Variants in TFAP2E observed in about 807,000 individuals in gnomAD.
TFAP2E encodes transcription factor AP-2-epsilon.
Under a neutral mutation model 37.9 loss-of-function variants are expected in TFAP2E, and 30 were observed. The observed-to-expected ratio is 0.79, with a 90% CI of 0.59 to 1.07. TFAP2E has a LOEUF of 1.07. Ranked by LOEUF, TFAP2E falls within the 50% of genes least tolerant of loss-of-function variation. TFAP2E has a pLI of 0.00. For synonymous variants in TFAP2E, 318 were observed against 295.8 expected, an observed-to-expected ratio of 1.08 and a Z score of -0.77; for missense variants, 567 against 637.9, an observed-to-expected ratio of 0.89 and a Z score of 1.20.
At position 35,590,892 on chromosome 1, in the gene TFAP2E, C is replaced by T. The variant is rs1649646763; in HGVS notation, c.1046+117C>T. 8.3e-7 allele frequency: 1 copy of T among 1,204,878 alleles called. No individual in the cohort carries two copies. Among genetic ancestry groups the T allele is most frequent in the Non-Finnish European group, 1.1e-6 (1 of 938,914 alleles). The allele number at this position is 1,204,878 out of a possible 1,614,324, so 74.6% of individuals were successfully genotyped here. ...CAGTGGGCACACATGCGTATTTGCG[C>T]ACCACTGTGTACACGAGCAGTGGGC... On this transcript the variant is annotated intron_variant, in intron 6 of 6. Transcript: ENST00000373235. This position sits in a 1 kb window ranked among gnomAD's most constrained non-coding sequence, Gnocchi z 6.2.
At chr1:35,579,662 T>A (rs1461685153) in intron 3 of TFAP2E, among the ~76,000 whole-genome samples, 1 of 152,038 alleles carries the variant, frequency 6.6e-6, no homozygotes, top group African/African-American at 2.4e-5. Context: ...CCCAAAGTGC[T>A]GGGATTACAG....
chr1:35,582,508 C>CTT lies in TFAP2E; in HGVS notation c.563-5809_563-5808dup, dbSNP rs749452012. 2.9e-3 allele frequency among the ~76,000 whole-genome samples: 372 copies of CTT among 129,764 alleles called. 1 individual carries two copies. Among genetic ancestry groups the CTT allele is most frequent in the African/African-American group, 9.8e-3 (347 of 35,468 alleles). 85.1% of individuals were successfully genotyped at this position (129,764 alleles called of 152,430 possible). ...TTTTTTTTGCATTTTTAAAAATTAT[C>CTT]TTTTTTTTTTTTTTCATAGAAACAG... On this transcript the variant is annotated intron_variant, in intron 3 of 6. Coordinates refer to ENST00000373235, the MANE Select transcript of TFAP2E (RefSeq NM_178548.4).
chr1:35,589,227 T>TGC (rs1553122083), intron 4 of TFAP2E, among the ~76,000 whole-genome samples: 2 of 147,402 alleles, frequency 1.4e-5, no homozygotes, highest in Non-Finnish European at 3.0e-5. Flanking sequence ...TGTGTGTGTG[T>TGC]GTGTGTGTGA....
In TFAP2E at chr1:35,574,162, C is replaced by A. The variant is rs768908023; in HGVS notation, c.263C>A (p.Ala88Glu). The A allele has an allele frequency of 3.9e-5, 55 of 1,423,568 alleles. No homozygotes were observed. The South Asian group carries it at 7.0e-4, about 18-fold the overall frequency. 88.2% of individuals were successfully genotyped at this position (1,423,568 alleles called of 1,614,324 possible). A position where few individuals can be genotyped will look rare whatever the true frequency, so the allele number is the denominator to read the frequency against. The change falls in exon 2 of 7, where the codon GCG (alanine) becomes GAG (glutamate). Residue 88 changes from alanine (A) to glutamate (E), a missense_variant. Physicochemically the swap from Ala to Glu is moderately radical, Grantham distance 107. Coordinates refer to ENST00000373235, the MANE Select transcript of TFAP2E (RefSeq NM_178548.4). ...GCAGGGGACCCATATGGCGGCCTGG[C>A]GCCCCTGGCGCAGCCGCAGCCTCCT... is the stretch of plus-strand genomic sequence containing the variant. ...HLAGDPYGGL[A>E]PLAQPQPPQA... is the part of the protein sequence containing the mutation.
intron 3 of TFAP2E, among the ~76,000 whole-genome samples, chr1:35,587,653 A>AAAAAAAAAAAAAG (rs796133136): frequency 2.0e-5 from 3 of 147,790 alleles, no homozygotes; most frequent in South Asian, 2.2e-4. Flanking sequence ...AAAAAAAAAA[A>AAAAAAAAAAAAAG]AAAGAAAGAA....
chr1:35,588,395 G>A lies in TFAP2E; in HGVS notation c.628G>A (p.Gly210Ser), dbSNP rs77440744. 1,551 of 1,613,388 alleles carry A rather than the reference G, an allele frequency of 9.6e-4. 1 individual carries two copies. The highest frequency in any genetic ancestry group is 1.2e-3 in the Non-Finnish European group (1,456 of 1,179,988). The change falls in exon 4 of 7, where the codon GGC (glycine) becomes AGC (serine). Residue 210 changes from glycine to serine, a missense_variant. Physicochemically the swap from Gly to Ser is moderately conservative, Grantham distance 56. Around this residue, in one of 3 missense-constraint regions of TFAP2E, gnomAD observed 3 missense variants for 17.9 expected, o/e 0.17. Transcript: ENST00000373235. The surrounding 1 kb of genome is among the most constrained non-coding windows in gnomAD (Gnocchi z 5.1). Reference protein sequence around the residue: ...LSLAKDSLVGGITNPGEVFCS... With the variant: ...LSLAKDSLVGSITNPGEVFCS... ...CTTGGCCAAAGACAGCCTGGTGGGC[G>A]GCATCACAAATCCTGGTGAGGTCTT...
Position 35,573,795 on chromosome 1 carries a change from C to T in TFAP2E, c.28-132C>T, listed in dbSNP as rs1275922251. ...GAGGCTCCTGCGCCCGCGGGTGGCT[C>T]GGAAATAAACCTCGGGCCCCAAGAA... is the stretch of plus-strand genomic sequence containing the variant. On this transcript the variant is annotated intron_variant, in intron 1 of 6. Transcript: ENST00000373235. This position sits in a 1 kb window ranked among gnomAD's most constrained non-coding sequence, Gnocchi z 5.9. 5 of 1,371,576 alleles carry T rather than the reference C, an allele frequency of 3.6e-6. No homozygotes were observed. The highest frequency in any genetic ancestry group is 3.1e-5 in the African/African-American group (2 of 65,216). 85.0% of individuals were successfully genotyped at this position (1,371,576 alleles called of 1,614,324 possible). A position where few individuals can be genotyped will look rare whatever the true frequency, so the allele number is the denominator to read the frequency against.
At chr1:35,586,822 T>C (rs1649493172) in intron 3 of TFAP2E, among the ~76,000 whole-genome samples, 1 of 152,192 alleles carries the variant, frequency 6.6e-6, no homozygotes, top group Admixed American at 6.5e-5. Flanking sequence ...CGGATCAGGC[T>C]AGCCTTTCCT....
Position 35,594,623 on chromosome 1 carries a change from A to G in TFAP2E, c.1276A>G (p.Ser426Gly), listed in dbSNP as rs1649778594. 5.6e-6 allele frequency: 9 copies of G among 1,614,238 alleles called. No homozygotes were observed. In the East Asian group the frequency reaches 1.8e-4, roughly 32 times the overall value. The change falls in exon 7 of 7, where the codon AGT becomes GGT. Residue 426 changes from serine to glycine, a missense_variant. Ser to Gly is a moderately conservative substitution (Grantham distance 56). Coordinates refer to ENST00000373235, the MANE Select transcript of TFAP2E (RefSeq NM_178548.4). The stretch of plus-strand genomic sequence containing the variant: ...CAAGATGTTTCTAAGCAGTGTGGGC[A>G]GTGGGCATGGTGAAACCAAGGCTTC... ...LDKMFLSSVG[S>G]GHGETKASEK...
intron 3 of TFAP2E, among the ~76,000 whole-genome samples, chr1:35,584,303 A>G (rs1270243323): frequency 2.0e-5 from 3 of 151,942 alleles, no homozygotes; most frequent in Admixed American, 6.6e-5. Flanking sequence ...AGGTCTCACT[A>G]TGTTGCCCAG....
At chr1:35,581,156 A>T (rs1037824121) in intron 3 of TFAP2E, among the ~76,000 whole-genome samples, 1 of 152,238 alleles carries the variant, frequency 6.6e-6, no homozygotes, top group African/African-American at 2.4e-5. Context: ...GCTTAGCATA[A>T]TATTTTTGAG....
At position 35,573,420 on chromosome 1, in the gene TFAP2E, A is replaced by C. The variant is rs919470363; in HGVS notation, c.-158A>C. On this transcript the variant is annotated 5_prime_UTR_variant, in exon 1 of 7. An upstream open reading frame in the 5' UTR loses its in-frame stop. Coordinates refer to ENST00000373235, the MANE Select transcript of TFAP2E (RefSeq NM_178548.4). The surrounding 1 kb of genome is among the most constrained non-coding windows in gnomAD (Gnocchi z 5.9). The stretch of plus-strand genomic sequence containing the variant: ...ACCCGCCCGGGAACGGCCACCGCTG[A>C]GGACCCCACGCCCACTAGGATCCCG... The C allele has an allele frequency of 1.0e-6, 1 of 966,178 alleles. No homozygotes were observed. Among genetic ancestry groups the C allele is most frequent in the African/African-American group, 1.7e-5 (1 of 57,406 alleles). 59.9% of individuals were successfully genotyped at this position (966,178 alleles called of 1,614,324 possible). A position where few individuals can be genotyped will look rare whatever the true frequency, so the allele number is the denominator to read the frequency against.
At chr1:35,594,259 A>T in intron 6 of TFAP2E, 135 bp from the exon 7 acceptor site, 1 of 1,105,600 alleles carries the variant, frequency 9.0e-7, no homozygotes. Flanking sequence ...AAAAAACAGT[A>T]TGGTCATCAT....
intron 3 of TFAP2E, among the ~76,000 whole-genome samples, chr1:35,580,595 C>G (rs538780344): frequency 6.6e-6 from 1 of 152,048 alleles, no homozygotes; most frequent in South Asian, 2.1e-4. Flanking sequence ...CCCATCTCTA[C>G]TAAAAAAACA....
intron 3 of TFAP2E, among the ~76,000 whole-genome samples, chr1:35,582,177 C>T (rs1417879751): frequency 6.6e-6 from 1 of 152,116 alleles, no homozygotes; most frequent in African/African-American, 2.4e-5. Context: ...CGTGCCTGGC[C>T]CCTGTCTTTT....
rs943195947 is a variant in TFAP2E at position 35,590,460 on chromosome 1, C to A, written c.905-174C>A. Among the ~76,000 whole-genome samples, 11 of 152,000 alleles carry A rather than the reference C, an allele frequency of 7.2e-5. No individual in the cohort carries two copies. The highest frequency in any genetic ancestry group is 2.0e-4 in the Admixed American group (3 of 15,264). On this transcript the variant is annotated intron_variant, in intron 5 of 6. Coordinates refer to ENST00000373235, the MANE Select transcript of TFAP2E (RefSeq NM_178548.4). This position sits in a 1 kb window ranked among gnomAD's most constrained non-coding sequence, Gnocchi z 6.2. ...GAGCTCAGAGCCCAACCCTAATGGC[C>A]CCAAGGTGGGGCAATGGAATGGGGG...
chr1:35,588,314 TC>T lies in TFAP2E; in HGVS notation c.563-13del. The stretch of plus-strand genomic sequence containing the variant: ...GTGCGGCAGCCACTGGCTCAGCGTT[TC>T]CCTCTTCTCCACAGTGCCCATCCCC... On this transcript the variant is annotated splice_polypyrimidine_tract_variant and intron_variant, in intron 3 of 6. Transcript: ENST00000373235. This position sits in a 1 kb window ranked among gnomAD's most constrained non-coding sequence, Gnocchi z 5.1. 2 of 1,595,990 alleles carry T rather than the reference TC, an allele frequency of 1.3e-6. No homozygotes were observed. Among genetic ancestry groups the T allele is most frequent in the Non-Finnish European group, 1.7e-6 (2 of 1,167,660 alleles).
At chr1:35,583,603 AGTGTGTGT>A (rs201106841) in intron 3 of TFAP2E, among the ~76,000 whole-genome samples, 80 of 138,006 alleles carry the variant, frequency 5.8e-4, no homozygotes, top group African/African-American at 1.7e-3. Flanking sequence ...TGTCTGCAGG[AGTGTGTGT>A]GTGTGTGTGT....
Position 35,573,357 on chromosome 1 carries a change from C to T in TFAP2E, c.-221C>T, listed in dbSNP as rs944472289. On this transcript the variant is annotated 5_prime_UTR_variant, in exon 1 of 7. Transcript: ENST00000373235. The surrounding 1 kb of genome is among the most constrained non-coding windows in gnomAD (Gnocchi z 5.9). ...GCTGGGCACCCGTTGACCGACTTTT[C>T]CAAGTGCGATCAGTGCCCGTCCGTC... 11 of 491,324 alleles carry T rather than the reference C, an allele frequency of 2.2e-5. No individual in the cohort carries two copies. Among genetic ancestry groups the T allele is most frequent in the Non-Finnish European group, 3.4e-5 (10 of 293,662 alleles). 30.4% of individuals were successfully genotyped at this position (491,324 alleles called of 1,614,324 possible). A position where few individuals can be genotyped will look rare whatever the true frequency, so the allele number is the denominator to read the frequency against.
Sources: allele counts gnomAD v4.1 joint callset (sites outside exome capture counted in the v4.1 genomes callset), GRCh38; gene constraint gnomAD v4.1.1; regional missense constraint gnomAD v4.1.1; non-coding constraint Gnocchi (gnomAD v3.1); transcripts MANE v1.5; gene names NCBI Gene and HGNC (gene_info 2026-07-23, HGNC 2026-07-21).